The following C11orf54 variants were observed in gnomAD, a reference collection of about 807,000 sequenced individuals.
The protein encoded by C11orf54 is beta-keto L-gulonate decarboxylase.
In C11orf54, 29 loss-of-function variants were observed where a neutral mutation model predicts 35.5. The ratio of observed to expected loss-of-function variants is 0.82; its 90% CI spans 0.61 to 1.11. The LOEUF (loss-of-function observed/expected upper bound fraction) is 1.11, where lower values mean the gene tolerates loss of function less well. Ranked by LOEUF, C11orf54 falls within the 50% of genes most tolerant of loss-of-function variation. The pLI, the probability that C11orf54 is intolerant of heterozygous loss-of-function variation, is 0.00. For synonymous variants in C11orf54, 108 were observed against 121.1 expected (o/e 0.89, Z 0.71); for missense variants, 373 against 369.2 (o/e 1.01, Z -0.08).
rs150069391 is a variant in C11orf54 at position 93,749,652 on chromosome 11, A to G, written c.56-694A>G. Among the ~76,000 whole-genome samples the G allele has an allele frequency of 1.1e-4, 17 of 152,232 alleles. No individual in the cohort carries two copies. The East Asian group carries it at 2.7e-3, about 24-fold the overall frequency. ...CAATATAGCAAGACCTGGTCTCTAC[A>G]TATAAAAGAAAAAAAGAGAGAGGGA... On this transcript the variant is annotated intron_variant, in intron 2 of 8. Transcript: ENST00000354421.
At position 93,757,308 on chromosome 11, in the gene C11orf54, C is replaced by T. The variant is rs761074126; in HGVS notation, c.508-8C>T. ...AGTCAATGGTATGCATCTTTATGTCCTCTATAGGTAATTGAGGTGAAAGCC... is the reference window on the plus strand; with the variant it reads ...AGTCAATGGTATGCATCTTTATGTCTTCTATAGGTAATTGAGGTGAAAGCC... On this transcript the variant is annotated splice_region_variant and splice_polypyrimidine_tract_variant and intron_variant, in intron 6 of 8. Coordinates refer to ENST00000354421, the MANE Select transcript of C11orf54 (RefSeq NM_001286069.2). 1.3e-6 allele frequency: 2 copies of T among 1,596,786 alleles called. No individual in the cohort carries two copies. The highest frequency in any genetic ancestry group is 1.7e-6 in the Non-Finnish European group (2 of 1,178,978).
chr11:93,761,500 T>G lies in C11orf54; in HGVS notation c.775-15T>G. On this transcript the variant is annotated splice_polypyrimidine_tract_variant and intron_variant, in intron 8 of 8. Coordinates refer to ENST00000354421, the MANE Select transcript of C11orf54 (RefSeq NM_001286069.2). Reference sequence around the variant, plus strand: ...ATAATTTGAGTACTAACATATTGTTTGTCTGTTATCTTAGGGGTTTGATTT... The same window carrying G: ...ATAATTTGAGTACTAACATATTGTTGGTCTGTTATCTTAGGGGTTTGATTT... 6.3e-7 allele frequency: 1 copy of G among 1,588,276 alleles called. No individual in the cohort carries two copies. The highest frequency in any genetic ancestry group is 8.6e-7 in the Non-Finnish European group (1 of 1,168,598).
At chr11:93,742,470 G>C (rs1942157697) in intron 1 of C11orf54, among the ~76,000 whole-genome samples, 2 of 152,124 alleles carry the variant, frequency 1.3e-5, no homozygotes, top group South Asian at 4.1e-4. Flanking sequence ...TTTTAGTAGA[G>C]GCGGGGGTTT....
intron 2 of C11orf54, among the ~76,000 whole-genome samples, chr11:93,748,112 C>G (rs1287701733): frequency 6.6e-6 from 1 of 152,068 alleles, no homozygotes; most frequent in Non-Finnish European, 1.5e-5. Flanking sequence ...ATGTGATGTT[C>G]TGGTAGTTCA....
chr11:93,744,322 A>G (rs77700208), intron 1 of C11orf54, among the ~76,000 whole-genome samples: 1 of 152,322 alleles, frequency 6.6e-6, no homozygotes, highest in African/African-American at 2.4e-5. Context: ...CTTTGTTTCT[A>G]CTTTGGTAGG....
At position 93,758,073 on chromosome 11, in the gene C11orf54, G is replaced by A. The variant is rs145204891; in HGVS notation, c.657+608G>A. 3.1e-3 allele frequency among the ~76,000 whole-genome samples: 466 copies of A among 152,314 alleles called. 5 individuals are homozygous for A. The highest frequency in any genetic ancestry group is 0.01 in the African/African-American group (433 of 41,564). ...GCCTGTAATCCCAGCACTTTGGGAG[G>A]CCCAGGTGGGAGGACCGCTGGAGGC... On this transcript the variant is annotated intron_variant, in intron 7 of 8. Coordinates refer to ENST00000354421, the MANE Select transcript of C11orf54 (RefSeq NM_001286069.2).
chr11:93,747,510 G>T, intron 2 of C11orf54, 62 bp downstream of exon 2: 2 of 1,311,406 alleles, frequency 1.5e-6, no homozygotes, highest in African/African-American at 1.5e-5. Flanking sequence ...CTTTTAAAAA[G>T]ATTCTAAGAT....
chr11:93,761,486 A>G, intron 8 of C11orf54, 29 bp from the exon 9 acceptor site: 2 of 1,558,224 alleles, frequency 1.3e-6, no homozygotes, highest in African/African-American at 2.7e-5. Context: ...TAATTTGAGT[A>G]CTAACATATT....
intron 3 of C11orf54, among the ~76,000 whole-genome samples, 186 bp from the exon 4 acceptor site, chr11:93,753,496 A>G (rs538674810): frequency 6.6e-6 from 1 of 152,272 alleles, no homozygotes; most frequent in Non-Finnish European, 1.5e-5. Context: ...CTTGGTTATG[A>G]TGATTATTAG....
At position 93,755,150 on chromosome 11, in the gene C11orf54, T is replaced by G. The variant is rs1014706547; in HGVS notation, c.331-60T>G. 3 of 1,505,080 alleles carry G rather than the reference T, an allele frequency of 2.0e-6. No individual in the cohort carries two copies. In the African/African-American group the frequency reaches 4.2e-5, roughly 21 times the overall value. 93.2% of individuals were successfully genotyped at this position (1,505,080 alleles called of 1,614,324 possible). A position where few individuals can be genotyped will look rare whatever the true frequency, so the allele number is the denominator to read the frequency against. ...AAGGATTAAATGTTTTGTAACATTA[T>G]TCAAGATATTCTCTTTGCAGAGATA... On this transcript the variant is annotated intron_variant, in intron 5 of 8. Transcript: ENST00000354421.
In C11orf54 at chr11:93,759,773, C is replaced by G. The variant is rs754446298; in HGVS notation, c.689C>G (p.Ser230Cys). ...PAEFSSCPLN[S>C]DEEVNKWLHF... ...GAATTTTCTTCCTGCCCCTTGAACT[C>G]TGATGAAGAAGTGAATAAATGGTTG... is the stretch of plus-strand genomic sequence containing the variant. The change falls in exon 8 of 9, where the codon TCT becomes TGT. Residue 230 changes from serine (S) to cysteine (C), a missense_variant. Physicochemically the swap from Ser to Cys is moderately radical, Grantham distance 112. Transcript: ENST00000354421. 4 of 1,607,726 alleles carry G rather than the reference C, an allele frequency of 2.5e-6. No homozygotes were observed. The South Asian group carries it at 3.3e-5, about 13-fold the overall frequency.
At chr11:93,755,007 G>A in intron 5 of C11orf54, 1 of 461,112 alleles carries the variant, frequency 2.2e-6, no homozygotes, top group South Asian at 2.5e-5. Context: ...AAAGTGCTGG[G>A]ATTACAGGCA....
chr11:93,755,391 T>A lies in C11orf54; in HGVS notation c.507+5T>A. The A allele has an allele frequency of 6.2e-7, 1 of 1,612,418 alleles. No homozygotes were observed. The highest frequency in any genetic ancestry group is 1.1e-5 in the South Asian group (1 of 90,962). On this transcript the variant is annotated splice_donor_5th_base_variant and intron_variant, in intron 6 of 8. Transcript: ENST00000354421. The stretch of plus-strand genomic sequence containing the variant: ...AGTGAAGGCCAACCTGGCAAGGTGA[T>A]TGTGTCCATAAAAATACAATATTCC...
At chr11:93,747,595 T>G (rs1030186471) in intron 2 of C11orf54, 147 bp downstream of exon 2, 1 of 462,502 alleles carries the variant, frequency 2.2e-6, no homozygotes, top group Admixed American at 4.4e-5. Context: ...GAATTCATTT[T>G]CCATTTCAGT....
At chr11:93,756,632 A>G (rs1943172681) in intron 6 of C11orf54, among the ~76,000 whole-genome samples, 1 of 152,218 alleles carries the variant, frequency 6.6e-6, no homozygotes, top group African/African-American at 2.4e-5. Flanking sequence ...CAGGTAGTAA[A>G]TAGGTTATTT....
At chr11:93,751,551 T>C (rs1159840322) in intron 3 of C11orf54, among the ~76,000 whole-genome samples, 1 of 151,716 alleles carries the variant, frequency 6.6e-6, no homozygotes, top group Non-Finnish European at 1.5e-5. Context: ...ACTACAGGCA[T>C]GTGCCACCAC....
At chr11:93,747,552 T>TATCTTACTC in intron 2 of C11orf54, 104 bp downstream of exon 2, 2 of 458,646 alleles carry the variant, frequency 4.4e-6, no homozygotes, top group Non-Finnish European at 6.5e-6. Context: ...TGTATATCTA[T>TATCTTACTC]ATCTTACTTA....
At chr11:93,756,283 C>T (rs1943149821) in intron 6 of C11orf54, among the ~76,000 whole-genome samples, 1 of 148,378 alleles carries the variant, frequency 6.7e-6, no homozygotes, top group Admixed American at 6.7e-5. Context: ...CAGTTTCAGA[C>T]CAGCCTGGGC....
rs767475861 is a variant in C11orf54, at chr11:93,747,408, G to A, written c.15G>A (p.Glu5=). 4 of 1,600,810 alleles carry A rather than the reference G, an allele frequency of 2.5e-6. No homozygotes were observed. The highest frequency in any genetic ancestry group is 2.7e-5 in the African/African-American group (2 of 73,798). Reference sequence around the variant, plus strand: ...GAAGAAAGAAAATGGCTTGTGCTGAGTTTTCTTTTCATGTACCAAGTCTTG... The same window carrying A: ...GAAGAAAGAAAATGGCTTGTGCTGAATTTTCTTTTCATGTACCAAGTCTTG... MACA[E]FSFHVPSLEE... The change falls in exon 2 of 9, where the codon GAG becomes GAA. Residue 5 remains glutamate, a synonymous_variant. Transcript: ENST00000354421.
Sources: gnomAD v4.1 joint callset for allele counts (sites outside exome capture counted in the v4.1 genomes callset) on GRCh38, gnomAD v4.1.1 for gene constraint, MANE v1.5 for transcripts, NCBI Gene and HGNC (gene_info 2026-07-23, HGNC 2026-07-21) for gene names.